Variants in SAMD4A observed in about 807,000 individuals in gnomAD.
SAMD4A encodes sterile alpha motif domain containing 4A.
SAMD4A carries 33 observed loss-of-function variants against 81.3 expected under a neutral mutation model. The observed-to-expected ratio is 0.41, with a 90% CI of 0.31 to 0.54. The LOEUF is 0.54. Among genes scored for constraint, SAMD4A ranks in the 20% least tolerant of loss-of-function variants. SAMD4A has a pLI of 0.37. For missense variants in SAMD4A, 854 were observed against 951.1 expected, an observed-to-expected ratio of 0.90 and a Z score of 1.34; for synonymous variants, 389 against 382.1, an observed-to-expected ratio of 1.02 and a Z score of -0.21.
intron 2 of SAMD4A, among the ~76,000 whole-genome samples, chr14:54,655,842 C>T (rs1283110198): frequency 6.6e-6 from 1 of 152,096 alleles, no homozygotes; most frequent in African/African-American, 2.4e-5. Flanking sequence ...TGGTATTGGG[C>T]AACTTATTTC....
intron 3 of SAMD4A, among the ~76,000 whole-genome samples, chr14:54,734,023 C>T (rs1437342080): frequency 1.3e-5 from 2 of 152,196 alleles, no homozygotes; most frequent in African/African-American, 2.4e-5. Context: ...GACAGTATTT[C>T]CTCTGTCACT....
chr14:54,631,145 C>T (rs1277802361), intron 2 of SAMD4A, among the ~76,000 whole-genome samples: 1 of 151,950 alleles, frequency 6.6e-6, no homozygotes, highest in Non-Finnish European at 1.5e-5. Flanking sequence ...CAAGGGCAGC[C>T]AAGCAGGAGG....
chr14:54,671,026 G>A (rs1270937994), intron 2 of SAMD4A, among the ~76,000 whole-genome samples: 1 of 152,022 alleles, frequency 6.6e-6, no homozygotes, highest in African/African-American at 2.4e-5. Context: ...GCTCAGGCGT[G>A]GCTGAGGGGA....
chr14:54,661,294 C>G (rs756589605), intron 2 of SAMD4A, among the ~76,000 whole-genome samples: 8 of 152,232 alleles, frequency 5.3e-5, no homozygotes, highest in South Asian at 2.1e-4. Flanking sequence ...AACAAAAATT[C>G]TTTTTCATAC....
chr14:54,630,075 C>G (rs1379385402), intron 2 of SAMD4A, among the ~76,000 whole-genome samples: 2 of 152,206 alleles, frequency 1.3e-5, no homozygotes, highest in Non-Finnish European at 2.9e-5. Context: ...ACCCACTCAT[C>G]TATCAGTGGA....
chr14:54,587,565 A>G (rs918798875), intron 2 of SAMD4A, among the ~76,000 whole-genome samples: 3 of 151,276 alleles, frequency 2.0e-5, no homozygotes, highest in Admixed American at 6.6e-5. Flanking sequence ...TGTGGCTTCT[A>G]TGCCAATTTT....
At chr14:54,735,483 T>C (rs989984435) in intron 3 of SAMD4A, among the ~76,000 whole-genome samples, 1 of 152,224 alleles carries the variant, frequency 6.6e-6, no homozygotes, top group African/African-American at 2.4e-5. Flanking sequence ...ACTCGGTAGC[T>C]CTCTTTTGTC....
intron 2 of SAMD4A, chr14:54,693,668 G>A (rs906949216): frequency 6.6e-6 from 1 of 152,230 alleles, no homozygotes; most frequent in Admixed American, 6.6e-5. Flanking sequence ...GGGCAACAGA[G>A]CAAGACCCTG....
At chr14:54,761,716 A>G (rs2038403501) in intron 7 of SAMD4A, among the ~76,000 whole-genome samples, 1 of 151,436 alleles carries the variant, frequency 6.6e-6, no homozygotes, top group African/African-American at 2.4e-5. Context: ...TGCCTATAAC[A>G]CTCTTTTCCT....
At chr14:54,608,015 C>CA (rs765121682) in intron 2 of SAMD4A, among the ~76,000 whole-genome samples, 953 of 60,140 alleles carry the variant, frequency 0.016, 7 homozygotes, top group East Asian at 0.016. Flanking sequence ...GACTCCGTCT[C>CA]AAAAAAAAAA....
intron 5 of SAMD4A, among the ~76,000 whole-genome samples, chr14:54,749,317 G>A (rs954920881): frequency 6.6e-6 from 1 of 152,104 alleles, no homozygotes; most frequent in Non-Finnish European, 1.5e-5. Flanking sequence ...CCCTCTGCTC[G>A]AGCAGGGCTT....
intron 2 of SAMD4A, among the ~76,000 whole-genome samples, chr14:54,677,318 G>T (rs899973574): frequency 1.3e-5 from 2 of 152,190 alleles, no homozygotes; most frequent in Non-Finnish European, 2.9e-5. Context: ...TATCTTCAGA[G>T]AAATGAATTT....
chr14:54,593,890 G>A (rs2033846105), intron 2 of SAMD4A, among the ~76,000 whole-genome samples: 1 of 152,130 alleles, frequency 6.6e-6, no homozygotes, highest in East Asian at 1.9e-4. Context: ...GAGAATCAGA[G>A]CGGTGGTATT....
At chr14:54,677,154 A>G (rs951445921) in intron 2 of SAMD4A, among the ~76,000 whole-genome samples, 1 of 152,218 alleles carries the variant, frequency 6.6e-6, no homozygotes, top group African/African-American at 2.4e-5. Context: ...GAAGTGGTTC[A>G]GAGGTAGTGT....
chr14:54,666,352 C>G (rs1156925014), intron 2 of SAMD4A, among the ~76,000 whole-genome samples: 1 of 152,158 alleles, frequency 6.6e-6, no homozygotes, highest in Non-Finnish European at 1.5e-5. Flanking sequence ...ATACAGTTGT[C>G]CCTCCATATA....
At position 54,789,715 on chromosome 14, in the gene SAMD4A, AGCTCTGCTTCTTGGGAAGAT is replaced by A. The variant is rs1356868149; in HGVS notation, c.*773_*792del. The A allele has an allele frequency of 6.6e-6, 1 of 152,242 alleles. No homozygotes were observed. The highest frequency in any genetic ancestry group is 1.5e-5 in the Non-Finnish European group (1 of 68,054). 9.4% of individuals were successfully genotyped at this position (152,242 alleles called of 1,614,324 possible). Reference sequence around the variant, plus strand: ...AGTTGTCTTCTCAAAACGGCTGCCAAGCTCTGCTTCTTGGGAAGATGGATGCAGTCATGTAGGCCTGAGCT... The same window carrying A: ...AGTTGTCTTCTCAAAACGGCTGCCAAGGATGCAGTCATGTAGGCCTGAGCT... On this transcript the variant is annotated 3_prime_UTR_variant, in exon 13 of 13. Transcript: ENST00000554335.
At chr14:54,689,406 C>T (rs2036371746) in intron 2 of SAMD4A, among the ~76,000 whole-genome samples, 1 of 152,164 alleles carries the variant, frequency 6.6e-6, no homozygotes, top group African/African-American at 2.4e-5. Flanking sequence ...ATAGTACTCA[C>T]CATGGGCCAG....
intron 6 of SAMD4A, among the ~76,000 whole-genome samples, chr14:54,757,500 T>C (rs1459925243): frequency 6.6e-6 from 1 of 152,008 alleles, no homozygotes; most frequent in East Asian, 1.9e-4. Context: ...GGCATGCATA[T>C]GTTTCCTGTT....
At chr14:54,766,000 C>T (rs529174266) in intron 8 of SAMD4A, among the ~76,000 whole-genome samples, 27 of 152,278 alleles carry the variant, frequency 1.8e-4, no homozygotes, top group South Asian at 1.0e-3. Context: ...AGTGACCAGC[C>T]GCCTAGGTTG....
Sources: allele counts gnomAD v4.1 joint callset (sites outside exome capture counted in the v4.1 genomes callset), GRCh38; gene constraint gnomAD v4.1.1; transcripts MANE v1.5; gene names NCBI Gene and HGNC (gene_info 2026-07-23, HGNC 2026-07-21).